The following PRMT8 variants were observed in gnomAD, a reference collection of about 807,000 sequenced individuals.
PRMT8 encodes the protein protein arginine N-methyltransferase 8.
Under a neutral mutation model 47.1 loss-of-function variants are expected in PRMT8, and 7 were observed. The ratio of observed to expected loss-of-function variants is 0.15; its 90% CI spans 0.08 to 0.28. The LOEUF (loss-of-function observed/expected upper bound fraction) is 0.28. Among genes scored for constraint, PRMT8 ranks in the 10% least tolerant of loss-of-function variants. The probability of loss-of-function intolerance (pLI) is 1.00; values close to 1 mark genes in which losing one functional copy is unlikely to be tolerated. For synonymous variants in PRMT8, 188 were observed against 186.5 expected, an observed-to-expected ratio of 1.01 and a Z score of -0.07; for missense variants, 237 against 505.4, an observed-to-expected ratio of 0.47 and a Z score of 5.09.
At chr12:3,477,768 C>T (rs551077656) in intron 1 of PRMT8, among the ~76,000 whole-genome samples, 2 of 152,246 alleles carry the variant, frequency 1.3e-5, no homozygotes, top group South Asian at 4.1e-4. Context: ...TGGGCTGTAA[C>T]CATTAAGACT....
At chr12:3,509,549 C>T (rs1385752011) in intron 1 of PRMT8, among the ~76,000 whole-genome samples, 1 of 152,198 alleles carries the variant, frequency 6.6e-6, no homozygotes, top group Non-Finnish European at 1.5e-5. Context: ...CCAGCATCTA[C>T]CACGATAGCT....
At chr12:3,568,590 C>A in intron 4 of PRMT8, 116 bp from the exon 5 acceptor site, 1 of 1,184,630 alleles carries the variant, frequency 8.4e-7, no homozygotes, top group Non-Finnish European at 1.2e-6. Context: ...TACATCATAT[C>A]CTAAAAGTAG....
chr12:3,515,288 C>G (rs1591579480), intron 1 of PRMT8, among the ~76,000 whole-genome samples: 2 of 152,168 alleles, frequency 1.3e-5, no homozygotes, highest in South Asian at 4.1e-4. Context: ...ACCTGGTTTG[C>G]AAAGTTAGGT....
intron 1 of PRMT8, among the ~76,000 whole-genome samples, chr12:3,444,033 T>C (rs1160895797): frequency 6.6e-6 from 1 of 152,232 alleles, no homozygotes; most frequent in Non-Finnish European, 1.5e-5. Context: ...CTCCCTGTTA[T>C]ATTTTCATTA....
In PRMT8 at chr12:3,496,212, A is replaced by ATTTTTTT. The variant is rs1444249290; in HGVS notation, c.75+4513_75+4514insTTTTTTT. On this transcript the variant is annotated intron_variant, in intron 1 of 9. Transcript: ENST00000382622. ...ACTTTGGAAACTGATATATATATAT[A>ATTTTTTT]TATTTTTTTTTTTTTTTTTTTTTTT... is the stretch of plus-strand genomic sequence containing the variant. Among the ~76,000 whole-genome samples, 68 of 19,374 alleles carry ATTTTTTT rather than the reference A, an allele frequency of 3.5e-3. 1 individual carries two copies. The highest frequency in any genetic ancestry group is 4.6e-3 in the Admixed American group (6 of 1,306). The allele number at this position is 19,374 out of a possible 152,430, so 12.7% of individuals were successfully genotyped here. A position where few individuals can be genotyped will look rare whatever the true frequency, so the allele number is the denominator to read the frequency against.
At chr12:3,434,942 C>T (rs1327531890) in intron 1 of PRMT8, among the ~76,000 whole-genome samples, 1 of 151,130 alleles carries the variant, frequency 6.6e-6, no homozygotes, top group Non-Finnish European at 1.5e-5. Context: ...TAGAGGAGTC[C>T]CCAGTGAAGT....
At chr12:3,414,897 T>A (rs1030111070) in intron 1 of PRMT8, among the ~76,000 whole-genome samples, 2 of 151,966 alleles carry the variant, frequency 1.3e-5, no homozygotes, top group African/African-American at 2.4e-5. Context: ...GCTGCAGTCT[T>A]TTTATGAGCA....
intron 2 of PRMT8, among the ~76,000 whole-genome samples, chr12:3,541,026 A>C (rs1440929025): frequency 6.6e-6 from 1 of 152,186 alleles, no homozygotes; most frequent in Non-Finnish European, 1.5e-5. Flanking sequence ...AGCCAGAGAG[A>C]GCACACAAGG....
At chr12:3,558,984 A>ATCTG (rs1866582497) in intron 4 of PRMT8, among the ~76,000 whole-genome samples, 1 of 151,762 alleles carries the variant, frequency 6.6e-6, no homozygotes, top group South Asian at 2.1e-4. Flanking sequence ...CTATCTATCT[A>ATCTG]TCTATCTGTC....
intron 1 of PRMT8, among the ~76,000 whole-genome samples, chr12:3,450,551 A>G (rs1363027207): frequency 6.6e-6 from 1 of 152,232 alleles, no homozygotes. Flanking sequence ...TCTTGAAGTG[A>G]ATGGCTCACT....
Position 3,508,506 on chromosome 12 carries a change from G to A in PRMT8, c.75+16806G>A, listed in dbSNP as rs185749229. 2.0e-5 allele frequency among the ~76,000 whole-genome samples: 3 copies of A among 152,296 alleles called. No homozygotes were observed. The highest frequency in any genetic ancestry group is 2.4e-5 in the African/African-American group (1 of 41,562). On this transcript the variant is annotated intron_variant, in intron 1 of 9. Coordinates refer to ENST00000382622, the MANE Select transcript of PRMT8 (RefSeq NM_019854.5). The surrounding 1 kb of genome is among the most constrained non-coding windows in gnomAD (Gnocchi z 4.9). ...GAAACATGTTAAGGTGAGGCCGGGC[G>A]TGGGAATAGTTGAGGGAGAGTCTTG...
intron 1 of PRMT8, among the ~76,000 whole-genome samples, chr12:3,394,453 C>T (rs1289176806): frequency 6.6e-6 from 1 of 152,064 alleles, no homozygotes; most frequent in African/African-American, 2.4e-5. Context: ...GACTTTTCTG[C>T]ATCTATTGAG....
At chr12:3,427,617 A>G (rs1013257856) in intron 1 of PRMT8, among the ~76,000 whole-genome samples, 6 of 151,738 alleles carry the variant, frequency 4.0e-5, no homozygotes, top group African/African-American at 1.5e-4. Context: ...CAATAGTTTT[A>G]CATTCGGGAG....
At chr12:3,474,741 C>T (rs1865193611) in intron 1 of PRMT8, among the ~76,000 whole-genome samples, 1 of 152,174 alleles carries the variant, frequency 6.6e-6, no homozygotes, top group African/African-American at 2.4e-5. Context: ...ATAAGGCCTT[C>T]ACTTTCTCAT....
intron 1 of PRMT8, among the ~76,000 whole-genome samples, chr12:3,416,959 C>A (rs1565402371): frequency 6.6e-6 from 1 of 152,160 alleles, no homozygotes; most frequent in Admixed American, 6.6e-5. Context: ...TTTTTGGTGG[C>A]AAATAATGAT....
chr12:3,449,370 C>G (rs1344830237), intron 1 of PRMT8, among the ~76,000 whole-genome samples: 1 of 152,158 alleles, frequency 6.6e-6, no homozygotes, highest in Non-Finnish European at 1.5e-5. Context: ...AAAAAAGTTC[C>G]TATTTCTCCA....
chr12:3,391,051 C>A (rs543643295), intron 1 of PRMT8, among the ~76,000 whole-genome samples: 1 of 152,252 alleles, frequency 6.6e-6, no homozygotes, highest in African/African-American at 2.4e-5. Context: ...AAGGAGTGGG[C>A]TCTGAGGGGA....
chr12:3,512,300 G>A (rs764235916), intron 1 of PRMT8, among the ~76,000 whole-genome samples: 1 of 152,122 alleles, frequency 6.6e-6, no homozygotes, highest in African/African-American at 2.4e-5. Flanking sequence ...TCTCGCCCAG[G>A]GATGTTGCCT....
chr12:3,553,519 A>G, intron 3 of PRMT8, 132 bp from the exon 4 acceptor site: 1 of 786,388 alleles, frequency 1.3e-6, no homozygotes, highest in East Asian at 2.5e-5. Context: ...TCAGTCTGCC[A>G]CAAAGTTGTG....
Sources: gnomAD v4.1 joint callset for allele counts (sites outside exome capture counted in the v4.1 genomes callset) on GRCh38, gnomAD v4.1.1 for gene constraint, Gnocchi (gnomAD v3.1) non-coding constraint, MANE v1.5 for transcripts, NCBI Gene and HGNC (gene_info 2026-07-23, HGNC 2026-07-21) for gene names.